SERPINA3: variants seen among roughly 807,000 people sequenced by gnomAD.
SERPINA3 encodes the protein serpin family A member 3, also known as alpha-1-antichymotrypsin.
Under a neutral mutation model 26.8 loss-of-function variants are expected in SERPINA3, and 32 were observed. The ratio of observed to expected loss-of-function variants is 1.20; its 90% CI spans 0.90 to 1.61. The LOEUF (loss-of-function observed/expected upper bound fraction) is 1.61. SERPINA3 is among the 40% of genes most tolerant of loss of function. The pLI, the probability that SERPINA3 is intolerant of heterozygous loss-of-function variation, is 0.00. For missense variants in SERPINA3, 632 were observed against 517.9 expected (o/e 1.22, Z -2.14); for synonymous variants, 252 against 206.4 (o/e 1.22, Z -1.89).
At chr14:94,615,436 G>T (rs1253918208) in intron 2 of SERPINA3, 3 of 467,678 alleles carry the variant, frequency 6.4e-6, no homozygotes, top group Admixed American at 4.7e-5. Context: ...CCTTGCAGGG[G>T]TGCTGCTAGA....
At position 94,619,359 on chromosome 14, in the gene SERPINA3, G is replaced by A. The variant is rs756450670; in HGVS notation, c.808G>A (p.Gly270Ser). 3.1e-6 allele frequency: 5 copies of A among 1,614,190 alleles called. No homozygotes were observed. The South Asian group carries it at 5.5e-5, about 18-fold the overall frequency. The change falls in exon 3 of 5, where the codon GGC becomes AGC. Residue 270 changes from glycine (G) to serine (S), a missense_variant. By Grantham distance (56) the Gly-to-Ser change is moderately conservative. Transcript: ENST00000393078. The part of the protein sequence containing the change: ...SCTVVELKYT[G>S]NASALFILPD... ...CACCGTGGTGGAGCTGAAGTACACA[G>A]GCAATGCCAGCGCACTCTTCATCCT...
Position 94,623,988 on chromosome 14 carries a change from G to A in SERPINA3, c.*174G>A, listed in dbSNP as rs1886304532. 6 of 684,200 alleles carry A rather than the reference G, an allele frequency of 8.8e-6. No individual in the cohort carries two copies. Among genetic ancestry groups the A allele is most frequent in the South Asian group, 1.6e-5 (1 of 62,588 alleles). The allele number at this position is 684,200 out of a possible 1,614,324, so 42.4% of individuals were successfully genotyped here. A position where few individuals can be genotyped will look rare whatever the true frequency, so the allele number is the denominator to read the frequency against. ...CCCTGTGTAGCTCTCACATGCACAGGGGCCCATGGACTCTTCAGTCTGGAG... is the reference window on the plus strand; with the variant it reads ...CCCTGTGTAGCTCTCACATGCACAGAGGCCCATGGACTCTTCAGTCTGGAG... On this transcript the variant is annotated 3_prime_UTR_variant, in exon 5 of 5. Transcript: ENST00000393078.
Position 94,614,775 on chromosome 14 carries a change from G to C in SERPINA3, c.334G>C (p.Glu112Gln), listed in dbSNP as rs971314943. The change falls in exon 2 of 5, where the codon GAG becomes CAG. Residue 112 changes from glutamate to glutamine, a missense_variant. Glu to Gln is a conservative substitution (Grantham distance 29). Transcript: ENST00000393078. ...CAAGTTCAACCTCACGGAGACTTCT[G>C]AGGCAGAAATTCACCAGAGCTTCCA... ...GLKFNLTETS[E>Q]AEIHQSFQHL... 6.2e-7 allele frequency: 1 copy of C among 1,614,020 alleles called. No individual in the cohort carries two copies.
chr14:94,621,031 A>G (rs192724937), intron 3 of SERPINA3, among the ~76,000 whole-genome samples: 7 of 152,136 alleles, frequency 4.6e-5, no homozygotes, highest in African/African-American at 9.7e-5. Flanking sequence ...GAGGTATTGT[A>G]TGTTGAAGCC....
intron 1 of SERPINA3, 189 bp from the exon 2 acceptor site, chr14:94,614,245 T>C (rs1200953793): frequency 1.6e-6 from 1 of 616,168 alleles, no homozygotes; most frequent in African/African-American, 1.8e-5. Flanking sequence ...TTATGGTACC[T>C]ACCTCAAAGG....
At position 94,618,632 on chromosome 14, in the gene SERPINA3, G is replaced by A. The variant is rs543038039; in HGVS notation, c.644-563G>A. On this transcript the variant is annotated intron_variant, in intron 2 of 4. Coordinates refer to ENST00000393078, the MANE Select transcript of SERPINA3 (RefSeq NM_001085.5). ...TATTCCCATGGTCTCTCCTGGCTCT[G>A]AGTTCTATCTTCCATTAAGGTTCTT... 2.1e-5 allele frequency: 4 copies of A among 186,660 alleles called. No individual in the cohort carries two copies. The South Asian group carries it at 4.6e-4, about 21-fold the overall frequency. The allele number at this position is 186,660 out of a possible 1,614,324, so 11.6% of individuals were successfully genotyped here. A position where few individuals can be genotyped will look rare whatever the true frequency, so the allele number is the denominator to read the frequency against.
chr14:94,614,741 C>A lies in SERPINA3; in HGVS notation c.300C>A (p.Leu100=). Residue 100 remains leucine, a synonymous_variant, in exon 2 of 5, where the codon CTC becomes CTA. Coordinates refer to ENST00000393078, the MANE Select transcript of SERPINA3 (RefSeq NM_001085.5). The stretch of plus-strand genomic sequence containing the variant: ...ATAATACCACCCTGACAGAGATTCT[C>A]AAAGGCCTCAAGTTCAACCTCACGG... The part of the protein sequence containing the change: ...GAHNTTLTEI[L]KGLKFNLTET... The A allele has an allele frequency of 6.2e-7, 1 of 1,614,162 alleles. No homozygotes were observed. The highest frequency in any genetic ancestry group is 8.5e-7 in the Non-Finnish European group (1 of 1,180,030).
intron 2 of SERPINA3, chr14:94,615,598 T>C: frequency 2.9e-6 from 1 of 346,584 alleles, no homozygotes; most frequent in South Asian, 2.1e-5. Flanking sequence ...CCAAGGAGCC[T>C]GGCCACTTCC....
intron 3 of SERPINA3, among the ~76,000 whole-genome samples, 163 bp from the exon 4 acceptor site, chr14:94,622,178 G>A (rs1456698754): frequency 6.6e-6 from 1 of 152,216 alleles, no homozygotes; most frequent in Non-Finnish European, 1.5e-5. Context: ...TAATGAATAA[G>A]AAGAGTAAAG....
chr14:94,620,033 T>C (rs1886142786), intron 3 of SERPINA3: 1 of 242,538 alleles, frequency 4.1e-6, no homozygotes, highest in African/African-American at 2.2e-5. Flanking sequence ...AACAAATAAG[T>C]TACGTGATAT....
rs1249398376 is a variant in SERPINA3, at chr14:94,614,776, A to C, written c.335A>C (p.Glu112Ala). Residue 112 changes from glutamate to alanine, a missense_variant, in exon 2 of 5, where the codon GAG (glutamate) becomes GCG (alanine). Coordinates refer to ENST00000393078, the MANE Select transcript of SERPINA3 (RefSeq NM_001085.5). ...GLKFNLTETS[E>A]AEIHQSFQHL... The stretch of plus-strand genomic sequence containing the variant: ...AAGTTCAACCTCACGGAGACTTCTG[A>C]GGCAGAAATTCACCAGAGCTTCCAG... The C allele has an allele frequency of 6.2e-7, 1 of 1,614,160 alleles. No individual in the cohort carries two copies. Among genetic ancestry groups the C allele is most frequent in the African/African-American group, 1.3e-5 (1 of 75,028 alleles).
intron 3 of SERPINA3, among the ~76,000 whole-genome samples, chr14:94,620,549 G>T (rs747646959): frequency 6.6e-6 from 1 of 152,160 alleles, no homozygotes. Context: ...GGAGTGCTGC[G>T]ATCCGAGTGT....
intron 3 of SERPINA3, 72 bp downstream of exon 3, chr14:94,619,540 G>T: frequency 6.3e-7 from 1 of 1,578,620 alleles, no homozygotes; most frequent in Non-Finnish European, 8.7e-7. Context: ...AGGGACAAGG[G>T]CATGGTGGTG....
chr14:94,622,843 C>A, intron 4 of SERPINA3: 1 of 365,504 alleles, frequency 2.7e-6, no homozygotes. Context: ...GGCTAGTATC[C>A]AGTGCCTGGC....
rs1886300751 is a variant in SERPINA3 at position 94,623,908 on chromosome 14, A to G, written c.*94A>G. The G allele has an allele frequency of 9.0e-7, 1 of 1,107,238 alleles. No individual in the cohort carries two copies. Among genetic ancestry groups the G allele is most frequent in the Non-Finnish European group, 1.4e-6 (1 of 728,494 alleles). The allele number at this position is 1,107,238 out of a possible 1,614,324, so 68.6% of individuals were successfully genotyped here. ...GGCACAGCCTGGCCCCTGTGCACCG[A>G]GTGGCCATGGCATGTGTGGCCCTGT... On this transcript the variant is annotated 3_prime_UTR_variant, in exon 5 of 5. Transcript: ENST00000393078.
intron 2 of SERPINA3, chr14:94,618,003 G>A (rs1246702088): frequency 6.6e-6 from 1 of 152,052 alleles, no homozygotes; most frequent in Non-Finnish European, 1.5e-5. Context: ...TTGGCTTACA[G>A]GCTATAGTTT....
In SERPINA3 at chr14:94,614,592, T is replaced by C; in HGVS notation, c.151T>C (p.Ser51Pro). Residue 51 changes from serine to proline, a missense_variant, in exon 2 of 5, where the codon TCC (serine) becomes CCC (proline). Physicochemically the swap from Ser to Pro is moderately conservative, Grantham distance 74. Transcript: ENST00000393078. ...GACACACGTGGACCTCGGATTAGCC[T>C]CCGCCAACGTGGACTTCGCTTTCAG... Reference protein sequence around the residue: ...RGTHVDLGLASANVDFAFSLY... With the variant: ...RGTHVDLGLAPANVDFAFSLY... The C allele has an allele frequency of 6.2e-7, 1 of 1,614,072 alleles. No homozygotes were observed. Among genetic ancestry groups the C allele is most frequent in the Non-Finnish European group, 8.5e-7 (1 of 1,180,012 alleles).
intron 1 of SERPINA3, 76 bp from the exon 2 acceptor site, chr14:94,614,358 G>C: frequency 6.8e-7 from 1 of 1,476,358 alleles, no homozygotes; most frequent in Non-Finnish European, 9.4e-7. Context: ...CCAGGACGCA[G>C]GCTGGGTGGA....
chr14:94,617,209 T>TGAAA (rs1202749501), intron 2 of SERPINA3, among the ~76,000 whole-genome samples: 1 of 152,164 alleles, frequency 6.6e-6, no homozygotes, highest in East Asian at 1.9e-4. Flanking sequence ...CCTGTTCAAC[T>TGAAA]GAAATATCTC....
Sources: gnomAD v4.1 joint callset for allele counts (sites outside exome capture counted in the v4.1 genomes callset) on GRCh38, gnomAD v4.1.1 for gene constraint, MANE v1.5 for transcripts, NCBI Gene and HGNC (gene_info 2026-07-23, HGNC 2026-07-21) for gene names.